Variants in RNF213 observed in about 807,000 individuals in gnomAD.
RNF213 encodes the protein E3 ubiquitin-protein ligase RNF213.
A neutral mutation model predicts 514.4 loss-of-function variants in RNF213; 341 were observed. That is an observed-to-expected ratio of 0.66 (90% confidence interval 0.61 to 0.73). The LOEUF (loss-of-function observed/expected upper bound fraction) is 0.73. Among genes scored for constraint, RNF213 ranks in the 30% least tolerant of loss-of-function variants. RNF213 has a pLI of 0.00. For synonymous variants in RNF213, 2,655 were observed against 2,658.2 expected (o/e 1.00, Z 0.04); for missense variants, 5,767 against 6,615.6 (o/e 0.87, Z 4.45).
Position 80,350,288 on chromosome 17 carries a change from C to T in RNF213, c.10089-13C>T, listed in dbSNP as rs1353601514. 1.3e-6 allele frequency: 2 copies of T among 1,509,208 alleles called. No individual in the cohort carries two copies. Among genetic ancestry groups the T allele is most frequent in the Admixed American group, 3.3e-5 (2 of 59,856 alleles). 93.5% of individuals were successfully genotyped at this position (1,509,208 alleles called of 1,614,324 possible). ...ACAGAGAACTCACTTGAATAACTTCCCTTTTCTTTCAGAAACTGTTTAACG... is the reference window on the plus strand; with the variant it reads ...ACAGAGAACTCACTTGAATAACTTCTCTTTTCTTTCAGAAACTGTTTAACG... On this transcript the variant is annotated splice_polypyrimidine_tract_variant and intron_variant, in intron 30 of 67. Coordinates refer to ENST00000582970, the MANE Select transcript of RNF213 (RefSeq NM_001256071.3).
At chr17:80,367,091 G>A (rs1474668721) in intron 42 of RNF213, among the ~76,000 whole-genome samples, 4 of 151,878 alleles carry the variant, frequency 2.6e-5, no homozygotes, top group African/African-American at 9.7e-5. Context: ...GTCTTTATCA[G>A]TGGGTACAGG....
intron 32 of RNF213, chr17:80,352,383 G>A (rs182832812): frequency 8.5e-5 from 23 of 272,064 alleles, no homozygotes; most frequent in East Asian, 2.5e-4. Flanking sequence ...TAGGTCACAC[G>A]GCGTGGAGAC....
chr17:80,325,406 A>G (rs577917506), intron 18 of RNF213, among the ~76,000 whole-genome samples: 1 of 152,260 alleles, frequency 6.6e-6, no homozygotes, highest in Admixed American at 6.5e-5. Context: ...GCCACTATTC[A>G]TTGAATGCTT....
At chr17:80,349,511 C>T (rs56127781) in intron 29 of RNF213, among the ~76,000 whole-genome samples, 66,949 of 151,932 alleles carry the variant, frequency 0.44, 15,185 homozygotes, top group Middle Eastern at 0.5. Context: ...CAGGCAGAGA[C>T]ACGGGCCTCT....
intron 57 of RNF213, 198 bp from the exon 58 acceptor site, chr17:80,382,781 G>A (rs1162384527): frequency 1.9e-6 from 1 of 531,868 alleles, no homozygotes; most frequent in African/African-American, 1.9e-5. Context: ...GGAATTTTTA[G>A]AGATTGATGT....
intron 63 of RNF213, among the ~76,000 whole-genome samples, chr17:80,388,088 C>T (rs906880602): frequency 3.3e-5 from 5 of 152,050 alleles, no homozygotes; most frequent in African/African-American, 7.2e-5. Context: ...CGCAGCCTCC[C>T]GAGTAGCTGG....
intron 3 of RNF213, among the ~76,000 whole-genome samples, chr17:80,285,960 G>C (rs369386142): frequency 3.3e-5 from 5 of 152,076 alleles, no homozygotes; most frequent in East Asian, 3.9e-4. Flanking sequence ...ACAGGCCTGA[G>C]CCACCGCACC....
intron 15 of RNF213, 143 bp downstream of exon 15, chr17:80,313,310 T>G: frequency 8.7e-7 from 1 of 1,148,554 alleles, no homozygotes. Context: ...CAAAATGGAG[T>G]TGCTCCTGTC....
chr17:80,354,360 T>G (rs538719103), intron 35 of RNF213, 81 bp from the exon 36 acceptor site: 1 of 1,605,684 alleles, frequency 6.2e-7, no homozygotes, highest in South Asian at 1.1e-5. Context: ...CTTCCCTTCC[T>G]GGGGGAGGTG....
At chr17:80,329,017 A>G (rs538400825) in intron 20 of RNF213, among the ~76,000 whole-genome samples, 1 of 152,230 alleles carries the variant, frequency 6.6e-6, no homozygotes, top group Non-Finnish European at 1.5e-5. Context: ...TTCTAATTCC[A>G]TCGCAATCTC....
intron 11 of RNF213, among the ~76,000 whole-genome samples, chr17:80,304,879 C>A (rs985930147): frequency 1.3e-5 from 2 of 152,154 alleles, no homozygotes; most frequent in East Asian, 1.9e-4. Context: ...CCACACTCCC[C>A]CTCCTCCTGG....
chr17:80,268,612 CAT>C (rs1491019752), intron 2 of RNF213, among the ~76,000 whole-genome samples: 14 of 64,154 alleles, frequency 2.2e-4, no homozygotes, highest in Non-Finnish European at 6.2e-4. Context: ...TCTGTTTGTC[CAT>C]CCATCCATCC....
intron 11 of RNF213, among the ~76,000 whole-genome samples, chr17:80,303,396 A>T (rs1199723504): frequency 6.6e-6 from 1 of 152,150 alleles, no homozygotes; most frequent in African/African-American, 2.4e-5. Context: ...ATAAAGCATG[A>T]TGCTCAGAGC....
rs773325407 is a variant in RNF213 at position 80,289,656 on chromosome 17, C to T, written c.934-3C>T. The T allele has an allele frequency of 6.2e-7, 1 of 1,613,286 alleles. No homozygotes were observed. Among genetic ancestry groups the T allele is most frequent in the South Asian group, 1.1e-5 (1 of 91,018 alleles). ...AAGGTCAGGGTTTGGTTCCTTGTTC[C>T]AGGAAGCTGAGACCAAGACCAAGGA... is the stretch of plus-strand genomic sequence containing the variant. On this transcript the variant is annotated splice_polypyrimidine_tract_variant and splice_region_variant and intron_variant, in intron 5 of 67. Transcript: ENST00000582970.
At position 80,393,512 on chromosome 17, in the gene RNF213, G is replaced by A; in HGVS notation, c.*14G>A. 1 of 1,613,610 alleles carries A rather than the reference G, an allele frequency of 6.2e-7. No individual in the cohort carries two copies. On this transcript the variant is annotated 3_prime_UTR_variant, in exon 68 of 68. Transcript: ENST00000582970. ...GAAATGAGATAGAATTATTTCCTCA[G>A]CTATCTTTGGATGACTTTGGAGAGA...
chr17:80,352,830 C>T (rs1415591702), intron 32 of RNF213, 110 bp from the exon 33 acceptor site: 1 of 1,533,128 alleles, frequency 6.5e-7, no homozygotes. Context: ...GCCAGTCATT[C>T]ATTGCGCAGC....
chr17:80,281,338 CCA>C (rs141059502), intron 3 of RNF213, among the ~76,000 whole-genome samples: 4 of 56,426 alleles, frequency 7.1e-5, no homozygotes, highest in Non-Finnish European at 1.6e-4. Context: ...ACACACGCCC[CCA>C]CACACACACC....
At chr17:80,280,555 G>A (rs2044223177) in intron 3 of RNF213, among the ~76,000 whole-genome samples, 1 of 152,176 alleles carries the variant, frequency 6.6e-6, no homozygotes, top group Non-Finnish European at 1.5e-5. Context: ...CTGGGCTCAA[G>A]CAATCCTCGT....
rs554067269 is a variant in RNF213, at chr17:80,386,951, T to C, written c.14922+60T>C. On this transcript the variant is annotated intron_variant, in intron 63 of 67. Transcript: ENST00000582970. ...TGTGTCTGTTGTGAACAAGCAGCCC[T>C]TGGTGTGTTTCTCGAGAGAGGGAAG... 1.0e-5 allele frequency: 15 copies of C among 1,502,576 alleles called. No homozygotes were observed. The African/African-American group carries it at 1.9e-4, about 19-fold the overall frequency. 93.1% of individuals were successfully genotyped at this position (1,502,576 alleles called of 1,614,324 possible). A position where few individuals can be genotyped will look rare whatever the true frequency, so the allele number is the denominator to read the frequency against.
Sources: allele counts gnomAD v4.1 joint callset (sites outside exome capture counted in the v4.1 genomes callset), GRCh38; gene constraint gnomAD v4.1.1; transcripts MANE v1.5; gene names NCBI Gene and HGNC (gene_info 2026-07-23, HGNC 2026-07-21).